ROBO2: variants seen among roughly 807,000 people sequenced by gnomAD.
The protein encoded by ROBO2 is roundabout guidance receptor 2.
In ROBO2, 53 loss-of-function variants were observed where a neutral mutation model predicts 160.8. The ratio of observed to expected loss-of-function variants is 0.33; its 90% CI spans 0.26 to 0.41. The LOEUF is 0.41. Ranked by LOEUF, ROBO2 falls within the 10% of genes least tolerant of loss-of-function variation. The pLI is 1.00. For synonymous variants in ROBO2, 664 were observed against 611.7 expected (o/e 1.09, Z -1.26); for missense variants, 1,577 against 1,722.4 (o/e 0.92, Z 1.49).
At chr3:76,921,168 C>T (rs1158126020) in intron 2 of ROBO2, among the ~76,000 whole-genome samples, 2 of 152,080 alleles carry the variant, frequency 1.3e-5, no homozygotes, top group South Asian at 2.1e-4. Flanking sequence ...GATGTCATCA[C>T]GTGAATGTAT....
intron 2 of ROBO2, among the ~76,000 whole-genome samples, chr3:77,209,508 A>G (rs1023010655): frequency 1.3e-5 from 2 of 152,202 alleles, no homozygotes; most frequent in Non-Finnish European, 2.9e-5. Flanking sequence ...AGATGATGCA[A>G]TGAATGTCAT....
chr3:76,304,574 A>G (rs186940591), intron 2 of ROBO2, among the ~76,000 whole-genome samples: 1,651 of 152,320 alleles, frequency 0.011, 10 homozygotes, highest in Middle Eastern at 0.02. Flanking sequence ...ATAATACAAC[A>G]TTTTAACAAT....
chr3:77,053,263 T>C (rs1245563647), intron 1 of ROBO2, among the ~76,000 whole-genome samples: 2 of 152,230 alleles, frequency 1.3e-5, no homozygotes, highest in African/African-American at 4.8e-5. Context: ...AGGCTGTTAA[T>C]ATTTAGACAG....
At chr3:76,693,602 G>A (rs1046577382) in intron 2 of ROBO2, among the ~76,000 whole-genome samples, 1 of 152,016 alleles carries the variant, frequency 6.6e-6, no homozygotes, top group Non-Finnish European at 1.5e-5. Context: ...TGGAGTACCA[G>A]CGAAGCCATG....
intron 24 of ROBO2, among the ~76,000 whole-genome samples, chr3:77,640,923 A>G (rs1298428218): frequency 1.3e-5 from 2 of 152,230 alleles, no homozygotes; most frequent in Admixed American, 6.5e-5. Flanking sequence ...TTTTAGCTGC[A>G]TAAGCAGATG....
intron 2 of ROBO2, among the ~76,000 whole-genome samples, chr3:76,268,147 G>A (rs779643457): frequency 4.3e-4 from 65 of 152,238 alleles, no homozygotes; most frequent in Non-Finnish European, 6.5e-4. Flanking sequence ...GTGTGTGCCT[G>A]TAGTCTCAGT....
chr3:77,560,587 A>AT (rs999472937), intron 9 of ROBO2, among the ~76,000 whole-genome samples: 288 of 150,966 alleles, frequency 1.9e-3, no homozygotes, highest in African/African-American at 6.7e-3. Flanking sequence ...GTGTCTCACT[A>AT]TTTTTTTTTC....
intron 2 of ROBO2, among the ~76,000 whole-genome samples, chr3:77,240,797 T>C (rs2151369531): frequency 6.6e-6 from 1 of 152,320 alleles, no homozygotes; most frequent in African/African-American, 2.4e-5. Context: ...CTGCTAATCT[T>C]TACCCAGATA....
intron 2 of ROBO2, among the ~76,000 whole-genome samples, chr3:76,625,173 A>C (rs1166676201): frequency 6.6e-6 from 1 of 152,186 alleles, no homozygotes; most frequent in Non-Finnish European, 1.5e-5. Context: ...TAATTTAATA[A>C]AATTCCCTGT....
chr3:77,535,215 T>C (rs2092017018), intron 6 of ROBO2, among the ~76,000 whole-genome samples: 1 of 151,970 alleles, frequency 6.6e-6, no homozygotes, highest in Non-Finnish European at 1.5e-5. Flanking sequence ...TTTTTCTTTT[T>C]TTTTTTTTCT....
chr3:76,121,251 A>C (rs1481656472), intron 2 of ROBO2, among the ~76,000 whole-genome samples: 2 of 152,148 alleles, frequency 1.3e-5, no homozygotes, highest in African/African-American at 2.4e-5. Context: ...GGAGATTACT[A>C]TCTTTGGCAT....
chr3:77,224,724 G>A (rs2086267523), intron 2 of ROBO2, among the ~76,000 whole-genome samples: 1 of 151,830 alleles, frequency 6.6e-6, no homozygotes, highest in African/African-American at 2.4e-5. Context: ...AGCTTGAGGT[G>A]TCTTTCTCCT....
chr3:77,244,455 A>C (rs191445207), intron 2 of ROBO2, among the ~76,000 whole-genome samples: 1 of 152,342 alleles, frequency 6.6e-6, no homozygotes, highest in East Asian at 1.9e-4. Context: ...TCAGGGATCC[A>C]TAAATATCAT....
chr3:76,949,195 A>T (rs966319953), intron 2 of ROBO2, among the ~76,000 whole-genome samples: 1 of 151,962 alleles, frequency 6.6e-6, no homozygotes, highest in African/African-American at 2.4e-5. Context: ...TGAAGCTCTT[A>T]AAGAGTTAAT....
At chr3:76,603,052 C>G (rs2087283805) in intron 2 of ROBO2, among the ~76,000 whole-genome samples, 1 of 151,854 alleles carries the variant, frequency 6.6e-6, no homozygotes, top group Admixed American at 6.6e-5. Flanking sequence ...TGAGTAGAGG[C>G]TGGGCGCAGT....
chr3:76,297,237 C>T (rs1709120069), intron 2 of ROBO2, among the ~76,000 whole-genome samples: 1 of 152,164 alleles, frequency 6.6e-6, no homozygotes, highest in Non-Finnish European at 1.5e-5. Flanking sequence ...CAAACAACCA[C>T]ATACTTTCAA....
intron 2 of ROBO2, among the ~76,000 whole-genome samples, chr3:76,767,151 G>T (rs140756875): frequency 5.4e-4 from 82 of 151,568 alleles, no homozygotes; most frequent in African/African-American, 2.0e-3. Flanking sequence ...TGTCTCCTTT[G>T]TATTAACCCT....
intron 2 of ROBO2, among the ~76,000 whole-genome samples, chr3:77,296,812 T>C (rs1331428785): frequency 6.6e-6 from 1 of 152,050 alleles, no homozygotes; most frequent in South Asian, 2.1e-4. Context: ...TGAGACTGAA[T>C]AGCTGGCCAA....
intron 2 of ROBO2, among the ~76,000 whole-genome samples, chr3:77,320,572 G>T (rs925223776): frequency 3.3e-5 from 5 of 151,756 alleles, no homozygotes; most frequent in African/African-American, 1.2e-4. Context: ...AAAAAAAGAA[G>T]GGCTCTTATT....
Sources: allele counts gnomAD v4.1 joint callset (sites outside exome capture counted in the v4.1 genomes callset), GRCh38; gene constraint gnomAD v4.1.1; transcripts MANE v1.5; gene names NCBI Gene and HGNC (gene_info 2026-07-23, HGNC 2026-07-21).